The following KIF16B variants were observed in gnomAD, a reference collection of about 807,000 sequenced individuals.
The protein encoded by KIF16B is kinesin-like protein KIF16B.
KIF16B carries 98 observed loss-of-function variants against 156.3 expected under a neutral mutation model. That is an observed-to-expected ratio of 0.63 (90% CI 0.53 to 0.74). KIF16B has a LOEUF of 0.74. Among genes scored for constraint, KIF16B ranks in the 30% least tolerant of loss-of-function variants. KIF16B has a pLI of 0.00. For missense variants in KIF16B, 1,421 were observed against 1,606.5 expected (o/e 0.88, Z 1.97); for synonymous variants, 564 against 583.7 (o/e 0.97, Z 0.49).
intron 24 of KIF16B, among the ~76,000 whole-genome samples, chr20:16,313,111 G>A (rs919863302): frequency 6.6e-6 from 1 of 152,212 alleles, no homozygotes; most frequent in Non-Finnish European, 1.5e-5. Flanking sequence ...TCCCAGGCAA[G>A]ATAGGATTCT....
chr20:16,327,745 A>G (rs984081861), intron 24 of KIF16B, among the ~76,000 whole-genome samples: 2 of 152,178 alleles, frequency 1.3e-5, no homozygotes, highest in African/African-American at 4.8e-5. Context: ...CCACACAGTG[A>G]ACTACCTGGG....
chr20:16,411,546 CATT>C (rs1408623203), intron 15 of KIF16B, among the ~76,000 whole-genome samples: 1 of 151,984 alleles, frequency 6.6e-6, no homozygotes, highest in Non-Finnish European at 1.5e-5. Flanking sequence ...CATGTTCAAA[CATT>C]ATCTTTACAG....
intron 12 of KIF16B, among the ~76,000 whole-genome samples, chr20:16,474,461 C>A (rs923543820): frequency 6.6e-6 from 1 of 152,188 alleles, no homozygotes; most frequent in Non-Finnish European, 1.5e-5. Flanking sequence ...TCCCTTCCTT[C>A]CTTATGAACA....
chr20:16,356,850 C>G (rs952314719), intron 22 of KIF16B, among the ~76,000 whole-genome samples: 1 of 152,228 alleles, frequency 6.6e-6, no homozygotes, highest in African/African-American at 2.4e-5. Context: ...CACTATCAGA[C>G]AGCTATACTT....
intron 22 of KIF16B, among the ~76,000 whole-genome samples, chr20:16,362,609 C>A (rs188256558): frequency 1.4e-3 from 218 of 152,266 alleles, no homozygotes; most frequent in African/African-American, 4.5e-3. Flanking sequence ...ATAACAGTGA[C>A]TATGAAATGG....
intron 12 of KIF16B, among the ~76,000 whole-genome samples, chr20:16,432,753 G>A (rs1443707403): frequency 4.6e-5 from 7 of 151,976 alleles, no homozygotes; most frequent in East Asian, 1.9e-4. Context: ...AACAAAAAAA[G>A]GATGGCTTAA....
At chr20:16,441,156 G>A (rs931864049) in intron 12 of KIF16B, among the ~76,000 whole-genome samples, 5 of 152,138 alleles carry the variant, frequency 3.3e-5, no homozygotes, top group Admixed American at 6.6e-5. Flanking sequence ...ACATTAACAC[G>A]AGGTAAAACA....
intron 12 of KIF16B, among the ~76,000 whole-genome samples, chr20:16,433,825 C>T (rs895916224): frequency 1.3e-5 from 2 of 151,876 alleles, no homozygotes; most frequent in African/African-American, 2.4e-5. Context: ...ATTGCTCAAG[C>T]GAAAAAGTAA....
intron 25 of KIF16B, among the ~76,000 whole-genome samples, chr20:16,298,919 A>AG (rs1388850182): frequency 2.6e-5 from 4 of 151,958 alleles, no homozygotes; most frequent in South Asian, 2.1e-4. Context: ...AAAAAAAAAA[A>AG]AGAGAGAAAA....
intron 12 of KIF16B, among the ~76,000 whole-genome samples, chr20:16,484,463 A>G (rs2068063122): frequency 6.6e-6 from 1 of 152,238 alleles, no homozygotes; most frequent in Admixed American, 6.5e-5. Context: ...CAGTTGCAAG[A>G]GCAGAACTTT....
intron 25 of KIF16B, among the ~76,000 whole-genome samples, chr20:16,299,794 T>C (rs1294622271): frequency 1.3e-5 from 2 of 152,192 alleles, no homozygotes; most frequent in Non-Finnish European, 2.9e-5. Context: ...GAATTTAGTT[T>C]CAGTACTGTA....
intron 2 of KIF16B, among the ~76,000 whole-genome samples, chr20:16,526,841 A>G (rs2069562172): frequency 6.6e-6 from 1 of 152,206 alleles, no homozygotes; most frequent in East Asian, 1.9e-4. Flanking sequence ...CATATGCTGA[A>G]TAACTTCAAT....
chr20:16,541,422 C>A (rs2070193097), intron 1 of KIF16B, among the ~76,000 whole-genome samples: 1 of 152,200 alleles, frequency 6.6e-6, no homozygotes, highest in Non-Finnish European at 1.5e-5. Flanking sequence ...GCACAGCCTC[C>A]ACTCCGTCCC....
chr20:16,324,118 T>C (rs901155523), intron 24 of KIF16B, among the ~76,000 whole-genome samples: 7 of 152,000 alleles, frequency 4.6e-5, no homozygotes, highest in South Asian at 2.1e-4. Context: ...GTAACTAAAG[T>C]GTATTTTCCA....
intron 17 of KIF16B, among the ~76,000 whole-genome samples, chr20:16,402,572 C>T: frequency 6.6e-6 from 1 of 152,194 alleles, no homozygotes; most frequent in East Asian, 1.9e-4. Flanking sequence ...CAGAGTTTGT[C>T]TGTACTATGC....
intron 10 of KIF16B, among the ~76,000 whole-genome samples, chr20:16,498,337 C>T (rs957924720): frequency 1.3e-5 from 2 of 152,120 alleles, no homozygotes; most frequent in Non-Finnish European, 2.9e-5. Flanking sequence ...GGACACTGTG[C>T]TTCCTATTCT....
At chr20:16,282,695 A>C (rs1161904311) in intron 25 of KIF16B, among the ~76,000 whole-genome samples, 3 of 152,102 alleles carry the variant, frequency 2.0e-5, no homozygotes, top group African/African-American at 7.2e-5. Flanking sequence ...GCCCACAGGC[A>C]CAGAGCATTC....
At chr20:16,416,757 TGAA>T in intron 15 of KIF16B, among the ~76,000 whole-genome samples, 1 of 149,856 alleles carries the variant, frequency 6.7e-6, no homozygotes, top group African/African-American at 2.4e-5. Flanking sequence ...GCAGGTGGAT[TGAA>T]GAAAACCAAG....
intron 23 of KIF16B, among the ~76,000 whole-genome samples, chr20:16,343,352 T>A (rs985130640): frequency 6.6e-6 from 1 of 152,206 alleles, no homozygotes; most frequent in Non-Finnish European, 1.5e-5. Context: ...AGATCTGTCA[T>A]CAGTAGATAT....
Sources: allele counts gnomAD v4.1 joint callset (sites outside exome capture counted in the v4.1 genomes callset), GRCh38; gene constraint gnomAD v4.1.1; transcripts MANE v1.5; gene names NCBI Gene and HGNC (gene_info 2026-07-23, HGNC 2026-07-21).